The following MECOM variants were observed in gnomAD, a reference collection of about 807,000 sequenced individuals.
MECOM encodes histone-lysine N-methyltransferase MECOM.
A neutral mutation model predicts 116.3 loss-of-function variants in MECOM; 13 were observed. That is an observed-to-expected ratio of 0.11 (90% CI 0.07 to 0.18). The LOEUF (loss-of-function observed/expected upper bound fraction) is 0.18, where lower values mean the gene tolerates loss of function less well. Among genes scored for constraint, MECOM ranks in the 10% least tolerant of loss-of-function variants. MECOM has a pLI of 1.00. For synonymous variants in MECOM, 528 were observed against 535.2 expected (o/e 0.99, Z 0.19); for missense variants, 1,299 against 1,509.0 (o/e 0.86, Z 2.31).
chr3:169,406,770 G>A (rs921495113), intron 1 of MECOM, among the ~76,000 whole-genome samples: 1 of 151,502 alleles, frequency 6.6e-6, no homozygotes, highest in Non-Finnish European at 1.5e-5. Flanking sequence ...ATTAAAACCA[G>A]TCTTCTTGAG....
At position 169,185,248 on chromosome 3, in the gene MECOM, C is replaced by G. The variant is rs937727161; in HGVS notation, c.376-41416G>C. ...AAGATGAAGGTGCTGAAGTGTGGAC[C>G]CTGGGAAACACCATTTGAGAACTGT... On this transcript the variant is annotated intron_variant, in intron 2 of 16. Coordinates refer to ENST00000651503, the MANE Select transcript of MECOM (RefSeq NM_004991.4). Among the ~76,000 whole-genome samples the G allele has an allele frequency of 2.6e-5, 4 of 151,972 alleles. No homozygotes were observed. In the East Asian group the frequency reaches 7.7e-4, roughly 29 times the overall value.
intron 2 of MECOM, among the ~76,000 whole-genome samples, chr3:169,223,557 A>C (rs1752383234): frequency 6.6e-6 from 1 of 152,106 alleles, no homozygotes; most frequent in Non-Finnish European, 1.5e-5. Flanking sequence ...AAAATGTGAT[A>C]GGTTATAAAG....
In MECOM at chr3:169,370,918, T is replaced by A. The variant is rs564285874; in HGVS notation, c.375+10269A>T. On this transcript the variant is annotated intron_variant, in intron 2 of 16. Coordinates refer to ENST00000651503, the MANE Select transcript of MECOM (RefSeq NM_004991.4). Reference sequence around the variant, plus strand: ...GCTCTTTATATACTGTTGGTAGGAATTTAAACTGGAATAGCCATTAGGGAA... The same window carrying A: ...GCTCTTTATATACTGTTGGTAGGAAATTAAACTGGAATAGCCATTAGGGAA... 3.4e-4 allele frequency among the ~76,000 whole-genome samples: 52 copies of A among 152,056 alleles called. No homozygotes were observed. The South Asian group carries it at 9.5e-3, about 28-fold the overall frequency.
At chr3:169,641,557 C>T (rs571620168) in intron 1 of MECOM, among the ~76,000 whole-genome samples, 1 of 152,296 alleles carries the variant, frequency 6.6e-6, no homozygotes, top group East Asian at 1.9e-4. Context: ...AAGTATGGGG[C>T]ATTATCATAA....
intron 2 of MECOM, among the ~76,000 whole-genome samples, chr3:169,213,852 G>C (rs1273417420): frequency 6.6e-6 from 1 of 152,134 alleles, no homozygotes; most frequent in East Asian, 1.9e-4. Context: ...CTGAGACCCT[G>C]ACTTGAGCAG....
Position 169,127,913 on chromosome 3 carries a change from T to C in MECOM, c.761A>G (p.Asn254Ser). 8.7e-6 allele frequency: 14 copies of C among 1,614,110 alleles called. No individual in the cohort carries two copies. The highest frequency in any genetic ancestry group is 1.2e-5 in the Non-Finnish European group (14 of 1,179,952). The change falls in exon 5 of 17, where the codon AAT becomes AGT. Residue 254 changes from asparagine (N) to serine (S), a missense_variant. Asn to Ser is a conservative substitution (Grantham distance 46). Coordinates refer to ENST00000651503, the MANE Select transcript of MECOM (RefSeq NM_004991.4). ...GATCGTGTGTATCTCTTGGAGATCA[T>C]TCTCGCTTTCGAGTTTTTGCTGAAA... ...EDFQQKLESE[N>S]DLQEIHTIQE...
In MECOM at chr3:169,523,921, G is replaced by A. The variant is rs1340423154; in HGVS notation, c.37+139415C>T. 9.6e-5 allele frequency among the ~76,000 whole-genome samples: 14 copies of A among 146,408 alleles called. 1 individual carries two copies. The highest frequency in any genetic ancestry group is 3.5e-4 in the African/African-American group (14 of 39,966). On this transcript the variant is annotated intron_variant, in intron 1 of 16. Transcript: ENST00000651503. ...CATACCTGTATATGCATATATATGT[G>A]TATATATATTAGTGTAATATATATA...
chr3:169,489,162 T>C (rs900120810), intron 1 of MECOM, among the ~76,000 whole-genome samples: 1 of 152,090 alleles, frequency 6.6e-6, no homozygotes, highest in African/African-American at 2.4e-5. Flanking sequence ...AAAATAAAAC[T>C]TACTGAAATT....
intron 2 of MECOM, among the ~76,000 whole-genome samples, chr3:169,240,851 A>T (rs531158604): frequency 6.6e-6 from 1 of 152,292 alleles, no homozygotes; most frequent in South Asian, 2.1e-4. Flanking sequence ...CCTTTTTATT[A>T]TCTACTGTAC....
chr3:169,292,482 A>G (rs926720737), intron 2 of MECOM, among the ~76,000 whole-genome samples: 2 of 152,298 alleles, frequency 1.3e-5, no homozygotes, highest in South Asian at 2.1e-4. Flanking sequence ...ACCCTGTGAT[A>G]TTCTGCTTTC....
intron 2 of MECOM, chr3:169,146,453 C>T: frequency 2.9e-6 from 4 of 1,387,012 alleles, no homozygotes; most frequent in Non-Finnish European, 3.8e-6. Flanking sequence ...GAAAAGAGGC[C>T]GACAAGCCGG....
intron 2 of MECOM, among the ~76,000 whole-genome samples, chr3:169,308,489 T>C (rs1718118806): frequency 6.6e-6 from 1 of 152,234 alleles, no homozygotes; most frequent in Admixed American, 6.5e-5. Flanking sequence ...GCTCTAGGCA[T>C]AATAAATATT....
At chr3:169,182,466 T>C (rs1746097094) in intron 2 of MECOM, among the ~76,000 whole-genome samples, 1 of 152,206 alleles carries the variant, frequency 6.6e-6, no homozygotes, top group African/African-American at 2.4e-5. Flanking sequence ...AGATCCAACT[T>C]ATTTAAAGCA....
intron 12 of MECOM, 31 bp from the exon 13 acceptor site, chr3:169,095,276 A>T (rs1560125894): frequency 6.3e-7 from 1 of 1,585,468 alleles, no homozygotes; most frequent in African/African-American, 1.3e-5. Flanking sequence ...AAATATTAGC[A>T]AGCACATTAA....
In MECOM at chr3:169,274,127, G is replaced by T. The variant is rs549437373; in HGVS notation, c.375+107060C>A. Among the ~76,000 whole-genome samples the T allele has an allele frequency of 9.2e-5, 14 of 152,052 alleles. No individual in the cohort carries two copies. In the South Asian group the frequency reaches 2.9e-3, roughly 32 times the overall value. On this transcript the variant is annotated intron_variant, in intron 2 of 16. Transcript: ENST00000651503. ...GGGTTTCACCATGTTGGCCAGGCTG[G>T]TCTCAAACTCCTGACCTCAGGTGAT...
chr3:169,125,853 C>A (rs73167936), intron 5 of MECOM, among the ~76,000 whole-genome samples: 9,568 of 151,986 alleles, frequency 0.063, 448 homozygotes, highest in South Asian at 0.2. Flanking sequence ...GCATTCTTTT[C>A]TCAAGATTTT....
intron 2 of MECOM, among the ~76,000 whole-genome samples, chr3:169,259,374 A>G (rs971435391): frequency 2.0e-5 from 3 of 152,184 alleles, no homozygotes; most frequent in African/African-American, 7.2e-5. Context: ...TAAGGGCATC[A>G]TTTAGTGCTA....
intron 1 of MECOM, among the ~76,000 whole-genome samples, chr3:169,510,736 G>A (rs1578304661): frequency 6.6e-6 from 1 of 152,198 alleles, no homozygotes; most frequent in African/African-American, 2.4e-5. Flanking sequence ...AGCTTTCAGA[G>A]CAGAAAAATG....
chr3:169,561,107 A>G (rs1158597241), intron 1 of MECOM, among the ~76,000 whole-genome samples: 2 of 151,826 alleles, frequency 1.3e-5, no homozygotes, highest in African/African-American at 4.8e-5. Flanking sequence ...TTAAATTAAA[A>G]TAATAAAATA....
Sources: gnomAD v4.1 joint callset for allele counts (sites outside exome capture counted in the v4.1 genomes callset) on GRCh38, gnomAD v4.1.1 for gene constraint, MANE v1.5 for transcripts, NCBI Gene and HGNC (gene_info 2026-07-23, HGNC 2026-07-21) for gene names.